Variants in PISD observed in about 807,000 individuals in gnomAD.
The protein encoded by PISD is phosphatidylserine decarboxylase, also known as phosphatidylserine decarboxylase proenzyme, mitochondrial.
In PISD, 31 loss-of-function variants were observed where a neutral mutation model predicts 43.5. The ratio of observed to expected loss-of-function variants is 0.71; its 90% CI spans 0.54 to 0.96. The LOEUF (loss-of-function observed/expected upper bound fraction) is 0.96, where lower values mean the gene tolerates loss of function less well. Ranked by LOEUF, PISD falls within the 40% of genes least tolerant of loss-of-function variation. The pLI is 0.00. For missense variants in PISD, 523 were observed against 548.4 expected (o/e 0.95, Z 0.46); for synonymous variants, 259 against 228.7 (o/e 1.13, Z -1.20).
At chr22:31,640,575 G>GTTTTTTTTTTTTTTTTTTTTTTTTTTTTT in intron 3 of PISD, among the ~76,000 whole-genome samples, 1 of 91,254 alleles carries the variant, frequency 1.1e-5, no homozygotes, top group Admixed American at 1.8e-4. Context: ...CGGTTTGGTT[G>GTTTTTTTTTTTTTTTTTTTTTTTTTTTTT]TTTTTTTTTT....
chr22:31,637,143 T>TAAAAA (rs1170100945), intron 3 of PISD, among the ~76,000 whole-genome samples: 6 of 31,616 alleles, frequency 1.9e-4, no homozygotes, highest in African/African-American at 3.9e-4. Flanking sequence ...ATAAATAAAT[T>TAAAAA]AAAAAAAAAA....
intron 3 of PISD, among the ~76,000 whole-genome samples, chr22:31,637,149 AAAAAAAAAAAAAAAAAT>A (rs1273224956): frequency 8.7e-4 from 14 of 16,126 alleles, no homozygotes; most frequent in Non-Finnish European, 7.8e-4. Flanking sequence ...AAATTAAAAA[AAAAAAAAAAAAAAAAAT>A]ATATATATAT....
At position 31,621,357 on chromosome 22, in the gene PISD, G is replaced by A. The variant is rs1340015982; in HGVS notation, c.674C>T (p.Thr225Ile). 6.2e-7 allele frequency: 1 copy of A among 1,614,084 alleles called. No homozygotes were observed. The highest frequency in any genetic ancestry group is 1.1e-5 in the South Asian group (1 of 91,090). ...LESFLGPRMC[T>I]EDLPFPPAAS... ...ACCTGGTGGGAAGGGCAGGTCCTCT[G>A]TGCACATACGCGGGCCCAGGAACGA... Residue 225 changes from threonine to isoleucine, a missense_variant, in exon 5 of 8, where the codon ACA becomes ATA. By Grantham distance (89) the Thr-to-Ile change is moderately conservative (BLOSUM62 -1). Coordinates refer to ENST00000439502, the MANE Select transcript of PISD (RefSeq NM_001326411.2).
Position 31,619,507 on chromosome 22 carries a change from G to A in PISD, c.*105C>T, listed in dbSNP as rs756817655. ...CCTACCTGGTCAGACTCCCAACCAC[G>A]CTGAGGCAGGCCCTTACCTGGATGG... On this transcript the variant is annotated 3_prime_UTR_variant, in exon 8 of 8. Transcript: ENST00000439502. 13 of 858,680 alleles carry A rather than the reference G, an allele frequency of 1.5e-5. No individual in the cohort carries two copies. Among genetic ancestry groups the A allele is most frequent in the Non-Finnish European group, 1.9e-5 (10 of 514,682 alleles). The allele number at this position is 858,680 out of a possible 1,614,324, so 53.2% of individuals were successfully genotyped here.
Position 31,621,403 on chromosome 22 carries a change from C to T in PISD, c.628G>A (p.Gly210Arg), listed in dbSNP as rs1207894250. Reference protein sequence around the residue: ...VKNCEVEQVKGVTYSLESFLG... With the variant: ...VKNCEVEQVKRVTYSLESFLG... Reference sequence around the variant, plus strand: ...AACGACTCCAGGGAGTAGGTGACCCCCTTTACCTGCTCCACCTCACAGTTC... The same window carrying T: ...AACGACTCCAGGGAGTAGGTGACCCTCTTTACCTGCTCCACCTCACAGTTC... The change falls in exon 5 of 8, where the codon GGG becomes AGG. Residue 210 changes from glycine (G) to arginine (R), a missense_variant. By Grantham distance (125) the Gly-to-Arg change is moderately radical. Transcript: ENST00000439502. 1 of 1,614,108 alleles carries T rather than the reference C, an allele frequency of 6.2e-7. No individual in the cohort carries two copies. The highest frequency in any genetic ancestry group is 8.5e-7 in the Non-Finnish European group (1 of 1,179,986).
chr22:31,620,661 G>A lies in PISD; in HGVS notation c.897C>T (p.Phe299=), dbSNP rs1455657373. Residue 299 remains phenylalanine, a synonymous_variant, in exon 7 of 8, where the codon TTC becomes TTT. Coordinates refer to ENST00000439502, the MANE Select transcript of PISD (RefSeq NM_001326411.2). ...TCAGGACCACCCGCTCGTTATGGCAGAAGAGCTCTTTGATCCAGCGAGCCA... is the reference window on the plus strand; with the variant it reads ...TCAGGACCACCCGCTCGTTATGGCAAAAGAGCTCTTTGATCCAGCGAGCCA... ...PGMARWIKEL[F]CHNERVVLTG... is the part of the protein sequence containing the mutation. 2 of 1,614,234 alleles carry A rather than the reference G, an allele frequency of 1.2e-6. No homozygotes were observed. The highest frequency in any genetic ancestry group is 2.2e-5 in the East Asian group (1 of 44,886).
intron 3 of PISD, chr22:31,628,129 G>C (rs2073008672): frequency 2.0e-6 from 2 of 985,542 alleles, no homozygotes; most frequent in Admixed American, 1.2e-4. Flanking sequence ...ACCAGCTGTG[G>C]GCCCCAGAAG....
chr22:31,660,750 T>G (rs886363707), intron 1 of PISD, among the ~76,000 whole-genome samples: 6 of 152,176 alleles, frequency 3.9e-5, no homozygotes, highest in African/African-American at 1.2e-4. Flanking sequence ...TTTAATTTTT[T>G]TGAGACAGAG....
At chr22:31,625,791 G>A (rs2072875486) in intron 3 of PISD, 1 of 1,598,684 alleles carries the variant, frequency 6.3e-7, no homozygotes, top group Admixed American at 1.7e-5. Context: ...TCTGGTCCTT[G>A]CCGCGCCTCT....
intron 3 of PISD, among the ~76,000 whole-genome samples, chr22:31,644,752 T>C (rs1246271328): frequency 6.6e-6 from 1 of 152,164 alleles, no homozygotes; most frequent in Non-Finnish European, 1.5e-5. Context: ...ACATCCAAAA[T>C]CAGAGACTTT....
intron 1 of PISD, among the ~76,000 whole-genome samples, chr22:31,655,316 C>CCTTTTTT (rs1491359661): frequency 1.4e-5 from 2 of 145,128 alleles, no homozygotes; most frequent in African/African-American, 5.1e-5. Context: ...GTACAACCCC[C>CCTTTTTT]TTTTTTTTTT....
intron 3 of PISD, among the ~76,000 whole-genome samples, chr22:31,637,528 C>T (rs948748092): frequency 1.3e-5 from 2 of 152,036 alleles, no homozygotes; most frequent in African/African-American, 4.8e-5. Flanking sequence ...TGCACCAGCT[C>T]GCGGCAGCCA....
upstream of PISD, chr22:31,662,236 G>T: frequency 6.3e-7 from 1 of 1,596,788 alleles, no homozygotes; most frequent in Non-Finnish European, 8.5e-7. Flanking sequence ...AGCGTGCCAC[G>T]CCCCCTTCAC....
At chr22:31,644,041 C>T (rs1169896092) in intron 3 of PISD, among the ~76,000 whole-genome samples, 1 of 150,794 alleles carries the variant, frequency 6.6e-6, no homozygotes, top group East Asian at 2.0e-4. Context: ...GGGCGAGTCT[C>T]CGTCTCAAAA....
chr22:31,651,208 CCAGCCT>C (rs796148894), intron 1 of PISD, among the ~76,000 whole-genome samples: 169 of 152,218 alleles, frequency 1.1e-3, no homozygotes, highest in African/African-American at 4.0e-3. Flanking sequence ...ATGTGATCCA[CCAGCCT>C]CAGCCTCCCA....
At chr22:31,623,747 G>A (rs2072715163) in intron 3 of PISD, 2 of 1,614,198 alleles carry the variant, frequency 1.2e-6, no homozygotes, top group East Asian at 4.5e-5. Context: ...GCAGGAGGTA[G>A]TAGAGGACGG....
intron 3 of PISD, among the ~76,000 whole-genome samples, chr22:31,622,958 A>C (rs2072666219): frequency 6.6e-6 from 1 of 152,230 alleles, no homozygotes; most frequent in Non-Finnish European, 1.5e-5. Flanking sequence ...GCTCCCAGAG[A>C]GCTGCTCTTA....
intron 3 of PISD, among the ~76,000 whole-genome samples, chr22:31,632,982 A>G (rs1423687626): frequency 6.6e-6 from 1 of 152,212 alleles, no homozygotes; most frequent in African/African-American, 2.4e-5. Flanking sequence ...AAGATTGAGA[A>G]CTTACTGTAA....
At chr22:31,648,324 G>A in intron 2 of PISD, 48 bp from the exon 3 acceptor site, 2 of 1,506,914 alleles carry the variant, frequency 1.3e-6, no homozygotes, top group East Asian at 2.4e-5. Flanking sequence ...CAGGAATAGG[G>A]AAGAGTCATG....
Sources: allele counts gnomAD v4.1 joint callset (sites outside exome capture counted in the v4.1 genomes callset), GRCh38; gene constraint gnomAD v4.1.1; transcripts MANE v1.5; gene names NCBI Gene and HGNC (gene_info 2026-07-23, HGNC 2026-07-21).